The following EPHA6 variants were observed in gnomAD, a reference collection of about 807,000 sequenced individuals.
EPHA6 encodes ephrin type-A receptor 6.
In EPHA6, 50 loss-of-function variants were observed where a neutral mutation model predicts 112.0. The ratio of observed to expected loss-of-function variants is 0.45; its 90% CI spans 0.36 to 0.56. The LOEUF is 0.56. EPHA6 is among the 20% of genes least tolerant of loss of function. The probability of loss-of-function intolerance (pLI) is 0.00; values close to 1 mark genes in which losing one functional copy is unlikely to be tolerated. For synonymous variants in EPHA6, 529 were observed against 490.7 expected (o/e 1.08, Z -1.03); for missense variants, 1,280 against 1,417.4 (o/e 0.90, Z 1.56).
chr3:97,692,046 A>G (rs894778111), intron 14 of EPHA6, among the ~76,000 whole-genome samples: 4 of 152,210 alleles, frequency 2.6e-5, no homozygotes, highest in Non-Finnish European at 4.4e-5. Flanking sequence ...CAGAAGTGCT[A>G]TGGAGAAGCT....
intron 10 of EPHA6, among the ~76,000 whole-genome samples, chr3:97,487,104 T>G (rs1165620763): frequency 1.3e-5 from 2 of 152,168 alleles, no homozygotes; most frequent in Non-Finnish European, 2.9e-5. Flanking sequence ...TATCAGGTTG[T>G]GACAATTGTC....
chr3:96,888,393 C>T (rs1201163396), intron 2 of EPHA6, among the ~76,000 whole-genome samples: 1 of 152,182 alleles, frequency 6.6e-6, no homozygotes, highest in Non-Finnish European at 1.5e-5. Flanking sequence ...GGAGGGTCTC[C>T]CTTTTCCACT....
At chr3:96,846,374 G>A (rs974460999) in intron 1 of EPHA6, among the ~76,000 whole-genome samples, 5 of 151,970 alleles carry the variant, frequency 3.3e-5, no homozygotes, top group Admixed American at 6.6e-5. Flanking sequence ...TGTTTCCACC[G>A]TGTAAGATTC....
chr3:96,965,897 A>G (rs1003811000), intron 2 of EPHA6, among the ~76,000 whole-genome samples: 5 of 152,068 alleles, frequency 3.3e-5, no homozygotes, highest in African/African-American at 1.2e-4. Flanking sequence ...CAGCCAGAAT[A>G]GTTGCACTGT....
intron 14 of EPHA6, among the ~76,000 whole-genome samples, chr3:97,671,170 G>A (rs150064498): frequency 3.3e-5 from 5 of 152,164 alleles, no homozygotes; most frequent in East Asian, 1.9e-4. Context: ...AAACTTGGCC[G>A]GTCTGTATCA....
At chr3:97,435,828 C>G (rs976224451) in intron 6 of EPHA6, among the ~76,000 whole-genome samples, 2 of 152,076 alleles carry the variant, frequency 1.3e-5, no homozygotes, top group Non-Finnish European at 2.9e-5. Context: ...GATAATAATG[C>G]AGATTAACAT....
intron 5 of EPHA6, among the ~76,000 whole-genome samples, chr3:97,305,733 G>A (rs1426854942): frequency 2.0e-5 from 3 of 151,838 alleles, no homozygotes; most frequent in East Asian, 1.9e-4. Context: ...TGGGGGGAGC[G>A]AGAGCATTAA....
chr3:97,075,314 C>T (rs1576440361), intron 3 of EPHA6, among the ~76,000 whole-genome samples: 2 of 152,006 alleles, frequency 1.3e-5, no homozygotes, highest in East Asian at 3.9e-4. Flanking sequence ...ATTAGGCAAA[C>T]TGGATAACTA....
At chr3:97,054,493 T>A (rs2045788994) in intron 3 of EPHA6, among the ~76,000 whole-genome samples, 2 of 151,986 alleles carry the variant, frequency 1.3e-5, no homozygotes, top group Non-Finnish European at 2.9e-5. Context: ...TTTAAAAGAC[T>A]TTAATAAGTG....
At chr3:97,277,962 G>T (rs1173844682) in intron 5 of EPHA6, among the ~76,000 whole-genome samples, 3 of 152,188 alleles carry the variant, frequency 2.0e-5, no homozygotes, top group African/African-American at 7.2e-5. Flanking sequence ...CCAGATGACA[G>T]CAATATTTGA....
chr3:97,042,040 A>G (rs925814992), intron 3 of EPHA6, among the ~76,000 whole-genome samples: 14 of 152,240 alleles, frequency 9.2e-5, no homozygotes, highest in Admixed American at 8.5e-4. Flanking sequence ...ATAGTTGTCC[A>G]GGGTATAATA....
chr3:97,381,028 C>T (rs2085697922), intron 5 of EPHA6, among the ~76,000 whole-genome samples: 1 of 151,818 alleles, frequency 6.6e-6, no homozygotes, highest in African/African-American at 2.4e-5. Context: ...TCTTCTTGAC[C>T]TTTATTATTA....
At chr3:97,013,874 GT>G (rs2044174679) in intron 3 of EPHA6, among the ~76,000 whole-genome samples, 1 of 152,038 alleles carries the variant, frequency 6.6e-6, no homozygotes, top group East Asian at 1.9e-4. Context: ...TTATGTTTTT[GT>G]TTTTGGCATG....
intron 11 of EPHA6, among the ~76,000 whole-genome samples, chr3:97,586,494 A>T (rs1012530545): frequency 1.3e-5 from 2 of 152,156 alleles, no homozygotes; most frequent in Non-Finnish European, 2.9e-5. Context: ...TTATGGTCTT[A>T]CTTCTGTTAG....
chr3:96,845,389 C>T (rs1256901588), intron 1 of EPHA6, among the ~76,000 whole-genome samples: 2 of 151,940 alleles, frequency 1.3e-5, no homozygotes, highest in Non-Finnish European at 2.9e-5. Flanking sequence ...CATATGCTGT[C>T]ATACAAAGAC....
At chr3:97,061,974 G>C (rs2046036868) in intron 3 of EPHA6, among the ~76,000 whole-genome samples, 1 of 152,168 alleles carries the variant, frequency 6.6e-6, no homozygotes, top group Non-Finnish European at 1.5e-5. Flanking sequence ...AGTGTGAGAA[G>C]ATAGGAGACA....
intron 14 of EPHA6, among the ~76,000 whole-genome samples, chr3:97,668,161 T>C (rs1405682189): frequency 1.3e-5 from 2 of 152,216 alleles, no homozygotes; most frequent in Non-Finnish European, 2.9e-5. Context: ...AGTTACCAAC[T>C]GCCCTCATAA....
intron 3 of EPHA6, among the ~76,000 whole-genome samples, chr3:97,187,046 A>G (rs1016917216): frequency 6.6e-6 from 1 of 152,150 alleles, no homozygotes; most frequent in African/African-American, 2.4e-5. Flanking sequence ...TAAGTCTTGC[A>G]TTAACTAAGT....
chr3:97,637,234 A>G (rs2093954070), intron 13 of EPHA6, among the ~76,000 whole-genome samples: 1 of 152,106 alleles, frequency 6.6e-6, no homozygotes, highest in Non-Finnish European at 1.5e-5. Flanking sequence ...AGGAGCTAAA[A>G]TTGTCTCATT....
Sources: gnomAD v4.1 joint callset for allele counts (sites outside exome capture counted in the v4.1 genomes callset) on GRCh38, gnomAD v4.1.1 for gene constraint, MANE v1.5 for transcripts, NCBI Gene and HGNC (gene_info 2026-07-23, HGNC 2026-07-21) for gene names.